The following COL4A6 variants were observed in gnomAD, a reference collection of about 807,000 sequenced individuals.
The protein encoded by COL4A6 is collagen type IV alpha 6 chain, also known as collagen alpha-6(IV) chain.
A neutral mutation model predicts 126.7 loss-of-function variants in COL4A6; 59 were observed. The observed-to-expected ratio is 0.47, with a 90% CI of 0.38 to 0.58. The LOEUF (loss-of-function observed/expected upper bound fraction) is 0.58. Ranked by LOEUF, COL4A6 falls within the 20% of genes least tolerant of loss-of-function variation. The probability of loss-of-function intolerance (pLI) is 0.00; values close to 1 mark genes in which losing one functional copy is unlikely to be tolerated. For synonymous variants in COL4A6, 547 were observed against 496.6 expected (o/e 1.10, Z -1.35); for missense variants, 1,285 against 1,337.3 (o/e 0.96, Z 0.61).
intron 3 of COL4A6, among the ~76,000 whole-genome samples, chrX:108,250,626 G>A (rs970083560): frequency 9.0e-6 from 1 of 110,918 alleles, no homozygotes; most frequent in Non-Finnish European, 1.9e-5. Flanking sequence ...CAAGGCTTAA[G>A]TGACTCCCTG....
chrX:108,188,753 T>C, intron 20 of COL4A6, 76 bp from the exon 21 acceptor site: 2 of 978,145 alleles, frequency 2.0e-6, no homozygotes, highest in Non-Finnish European at 2.7e-6. Flanking sequence ...CATGGTTATT[T>C]GTGACTTGAA....
rs931188490 is a variant in COL4A6 at position 108,180,636 on chromosome X, T to C, written c.2024-14A>G. On this transcript the variant is annotated splice_polypyrimidine_tract_variant and intron_variant, in intron 24 of 44. Transcript: ENST00000334504. ...ACCCTTTAGGGCCTGAAAACCCAAA[T>C]GTAAGCAATGAGGGGAAAGGAAAGT... is the stretch of plus-strand genomic sequence containing the variant. 1 of 1,123,450 alleles carries C rather than the reference T, an allele frequency of 8.9e-7. No individual in the cohort carries two copies. The highest frequency in any genetic ancestry group is 2.4e-4 in the Middle Eastern group (1 of 4,096). 92.6% of individuals were successfully genotyped at this position (1,123,450 alleles called of 1,213,427 possible).
chrX:108,380,432 C>T (rs948856543), intron 2 of COL4A6, among the ~76,000 whole-genome samples: 6 of 112,307 alleles, frequency 5.3e-5, no homozygotes, highest in African/African-American at 1.9e-4. Context: ...TTGGCCTACG[C>T]GTTGTTTACT....
Position 108,180,619 on chromosome X carries a change from G to T in COL4A6, c.2027C>A (p.Pro676His), listed in dbSNP as rs373883169. ...CCCAGGGAGGCCTCGAGACCCTTTA[G>T]GGCCTGAAAACCCAAATGTAAGCAA... ...GFPGTPGFPGPKGSRGLPGTP... is the reference protein window; with the variant it reads ...GFPGTPGFPGHKGSRGLPGTP... The change falls in exon 25 of 45, where the codon CCT (proline) becomes CAT (histidine). Residue 676 changes from proline (P) to histidine (H), a missense_variant. Physicochemically the swap from Pro to His is moderately conservative, Grantham distance 77 (BLOSUM62 -2). Coordinates refer to ENST00000334504, the MANE Select transcript of COL4A6 (RefSeq NM_033641.4). 7.6e-5 allele frequency: 90 copies of T among 1,179,098 alleles called. No homozygotes were observed. Among genetic ancestry groups the T allele is most frequent in the Non-Finnish European group, 9.9e-5 (87 of 882,159 alleles).
At chrX:108,288,311 T>G (rs779439636) in intron 3 of COL4A6, among the ~76,000 whole-genome samples, 1 of 112,099 alleles carries the variant, frequency 8.9e-6, no homozygotes, top group East Asian at 2.8e-4. Flanking sequence ...TCATTTCCCA[T>G]GAGAAACATA....
chrX:108,180,756 C>T, intron 24 of COL4A6, 134 bp from the exon 25 acceptor site: 2 of 797,220 alleles, frequency 2.5e-6, no homozygotes, highest in Non-Finnish European at 3.7e-6. Flanking sequence ...CCCTCTCCAG[C>T]AGCCATCCTG....
At chrX:108,373,849 A>G (rs2040378777) in intron 2 of COL4A6, among the ~76,000 whole-genome samples, 1 of 112,156 alleles carries the variant, frequency 8.9e-6, no homozygotes, top group South Asian at 3.7e-4. Flanking sequence ...GCTCCTTTAA[A>G]ATTGTTTTCC....
chrX:108,218,150 C>T (rs1253996086), intron 5 of COL4A6, among the ~76,000 whole-genome samples: 1 of 112,295 alleles, frequency 8.9e-6, no homozygotes, highest in African/African-American at 3.2e-5. Flanking sequence ...CTTCCAGCTC[C>T]CATTAAAACA....
intron 3 of COL4A6, among the ~76,000 whole-genome samples, chrX:108,243,817 T>G (rs2036640737): frequency 9.0e-6 from 1 of 111,721 alleles, no homozygotes; most frequent in African/African-American, 3.3e-5. Context: ...AGAATATGCT[T>G]GGAGAAACAT....
intron 23 of COL4A6, among the ~76,000 whole-genome samples, chrX:108,184,582 T>A (rs2034794590): frequency 8.9e-6 from 1 of 112,171 alleles, no homozygotes; most frequent in Non-Finnish European, 1.9e-5. Flanking sequence ...CCACAATGAG[T>A]TGAAGCACAA....
chrX:108,387,032 G>A (rs2040715870), intron 2 of COL4A6, among the ~76,000 whole-genome samples: 1 of 111,599 alleles, frequency 9.0e-6, no homozygotes, highest in Non-Finnish European at 1.9e-5. Flanking sequence ...TTGTAGATAT[G>A]TGGTGTTATT....
intron 3 of COL4A6, among the ~76,000 whole-genome samples, chrX:108,223,066 T>A (rs1451752559): frequency 9.0e-6 from 1 of 111,584 alleles, no homozygotes; most frequent in African/African-American, 3.3e-5. Flanking sequence ...AAAAATGAGT[T>A]CACATCCTTT....
At chrX:108,415,000 T>A (rs917174982) in intron 2 of COL4A6, among the ~76,000 whole-genome samples, 1 of 111,246 alleles carries the variant, frequency 9.0e-6, no homozygotes, top group Non-Finnish European at 1.9e-5. Flanking sequence ...GGTAGTGCAA[T>A]TTGAAGGTAC....
intron 2 of COL4A6, among the ~76,000 whole-genome samples, chrX:108,391,876 A>G (rs1237853609): frequency 1.8e-5 from 2 of 112,283 alleles, no homozygotes; most frequent in Non-Finnish European, 3.8e-5. Context: ...TGAACCGGGT[A>G]CCTCAGTTGG....
At chrX:108,285,125 G>A (rs2037972151) in intron 3 of COL4A6, among the ~76,000 whole-genome samples, 1 of 111,719 alleles carries the variant, frequency 9.0e-6, no homozygotes, top group South Asian at 3.8e-4. Context: ...GGTGCCCAGT[G>A]GGAAATCAAA....
intron 3 of COL4A6, among the ~76,000 whole-genome samples, chrX:108,246,838 C>A (rs746678703): frequency 9.0e-6 from 1 of 110,567 alleles, no homozygotes; most frequent in South Asian, 4.0e-4. Context: ...AGAGGTGGGC[C>A]CCAACTCACA....
chrX:108,285,075 C>T (rs2037970704), intron 3 of COL4A6, among the ~76,000 whole-genome samples: 1 of 111,877 alleles, frequency 8.9e-6, no homozygotes, highest in Admixed American at 9.5e-5. Context: ...ACCACCTGTT[C>T]TTTCCCAAGC....
At chrX:108,397,544 G>T (rs2040991695) in intron 2 of COL4A6, among the ~76,000 whole-genome samples, 1 of 108,518 alleles carries the variant, frequency 9.2e-6, no homozygotes, top group Non-Finnish European at 1.9e-5. Context: ...ATGCATTCAA[G>T]TAAGCAATAA....
chrX:108,181,117 C>A lies in COL4A6; in HGVS notation c.1952-149G>T, dbSNP rs1287010988. Reference sequence around the variant, plus strand: ...AGCCCACACTGGAAAACCTTGGCATCATTAGCTCTGGGGAGTTACAACCAG... The same window carrying A: ...AGCCCACACTGGAAAACCTTGGCATAATTAGCTCTGGGGAGTTACAACCAG... On this transcript the variant is annotated intron_variant, in intron 23 of 44. Transcript: ENST00000334504. 8 of 480,315 alleles carry A rather than the reference C, an allele frequency of 1.7e-5. No homozygotes were observed. The Middle Eastern group carries it at 1.1e-3, about 64-fold the overall frequency. The allele number at this position is 480,315 out of a possible 1,213,427, so 39.6% of individuals were successfully genotyped here.
Sources: gnomAD v4.1 joint callset for allele counts (sites outside exome capture counted in the v4.1 genomes callset) on GRCh38, gnomAD v4.1.1 for gene constraint, MANE v1.5 for transcripts, NCBI Gene and HGNC (gene_info 2026-07-23, HGNC 2026-07-21) for gene names.